The following ZMIZ1 variants were observed in gnomAD, a reference collection of about 807,000 sequenced individuals.
ZMIZ1 encodes zinc finger MIZ-type containing 1, also known as zinc finger MIZ domain-containing protein 1.
In ZMIZ1, 17 loss-of-function variants were observed where a neutral mutation model predicts 113.9. The observed-to-expected ratio is 0.15, with a 90% confidence interval of 0.10 to 0.22. The LOEUF (loss-of-function observed/expected upper bound fraction) is 0.22, where lower values mean the gene tolerates loss of function less well. Ranked by LOEUF, ZMIZ1 falls within the 10% of genes least tolerant of loss-of-function variation. The pLI is 1.00. For missense variants in ZMIZ1, 1,059 were observed against 1,477.8 expected, an observed-to-expected ratio of 0.72 and a Z score of 4.65; for synonymous variants, 607 against 603.1, an observed-to-expected ratio of 1.01 and a Z score of -0.09.
At chr10:79,279,025 G>A (rs1004274892) in intron 8 of ZMIZ1, among the ~76,000 whole-genome samples, 16 of 151,604 alleles carry the variant, frequency 1.1e-4, no homozygotes, top group African/African-American at 2.9e-4. Flanking sequence ...GGGCAGAGGC[G>A]CCACCCACGT....
intron 13 of ZMIZ1, 54 bp from the exon 14 acceptor site, chr10:79,297,559 G>C: frequency 2.7e-6 from 4 of 1,480,998 alleles, no homozygotes; most frequent in Admixed American, 1.7e-5. Flanking sequence ...GGGAGAGCGG[G>C]CTTCTGATGG....
chr10:79,304,373 G>T (rs942180307), intron 19 of ZMIZ1, among the ~76,000 whole-genome samples, 198 bp downstream of exon 19: 2 of 152,232 alleles, frequency 1.3e-5, no homozygotes, highest in Admixed American at 1.3e-4. Flanking sequence ...AGGCCAAAGG[G>T]GCTACAGAAA....
At chr10:79,240,636 A>ATTTTTTTTTTTTT (rs1589466733) in intron 7 of ZMIZ1, among the ~76,000 whole-genome samples, 2 of 78,528 alleles carry the variant, frequency 2.5e-5, no homozygotes, top group African/African-American at 1.3e-4. Context: ...AAGAGTATTT[A>ATTTTTTTTTTTTT]TCTTTTTTTT....
At chr10:79,203,979 G>A (rs891227112) in intron 5 of ZMIZ1, among the ~76,000 whole-genome samples, 4 of 152,074 alleles carry the variant, frequency 2.6e-5, no homozygotes, top group Non-Finnish European at 4.4e-5. Flanking sequence ...GGGCCATCCA[G>A]AGCTCCCTAC....
chr10:79,174,809 C>T (rs568205755), intron 4 of ZMIZ1, among the ~76,000 whole-genome samples: 14 of 152,284 alleles, frequency 9.2e-5, no homozygotes, highest in Non-Finnish European at 1.3e-4. Flanking sequence ...CTGGGGGATC[C>T]GAGGGTCCAA....
chr10:79,247,529 CAGT>C (rs1850281968), intron 7 of ZMIZ1, among the ~76,000 whole-genome samples: 1 of 152,220 alleles, frequency 6.6e-6, no homozygotes, highest in African/African-American at 2.4e-5. Flanking sequence ...TCCTCCCTCT[CAGT>C]AGCCCCAGCC....
intron 7 of ZMIZ1, among the ~76,000 whole-genome samples, chr10:79,229,341 G>C (rs1044064320): frequency 6.6e-6 from 1 of 152,244 alleles, no homozygotes; most frequent in Non-Finnish European, 1.5e-5. Context: ...GAGAGACACA[G>C]AACCCAGAGC....
intron 4 of ZMIZ1, among the ~76,000 whole-genome samples, chr10:79,181,013 T>G (rs1847101754): frequency 6.6e-6 from 1 of 152,180 alleles, no homozygotes; most frequent in Non-Finnish European, 1.5e-5. Flanking sequence ...TGAAGGGAAG[T>G]GACTCATCCA....
chr10:79,196,214 C>T (rs1473884771), intron 4 of ZMIZ1, among the ~76,000 whole-genome samples: 1 of 152,188 alleles, frequency 6.6e-6, no homozygotes, highest in African/African-American at 2.4e-5. Context: ...GCCATTTGTT[C>T]TTTTATTAAG....
At chr10:79,207,363 C>A (rs1452739335) in intron 5 of ZMIZ1, among the ~76,000 whole-genome samples, 15 of 152,224 alleles carry the variant, frequency 9.9e-5, no homozygotes, top group Admixed American at 9.8e-4. Context: ...GGGCCAGAGC[C>A]CCATCCCAGA....
chr10:79,202,211 A>AG (rs1231300905), intron 5 of ZMIZ1, among the ~76,000 whole-genome samples: 107 of 64,252 alleles, frequency 1.7e-3, no homozygotes, highest in African/African-American at 4.3e-3. Flanking sequence ...AAAAAAAAAA[A>AG]AAAGAAAGAA....
Position 79,291,078 on chromosome 10 carries a change from G to A in ZMIZ1, c.660G>A (p.Gln220=). 6.2e-7 allele frequency: 1 copy of A among 1,614,258 alleles called. No homozygotes were observed. Among genetic ancestry groups the A allele is most frequent in the South Asian group, 1.1e-5 (1 of 91,088 alleles). ...GLNSPQFAGQ[Q]QQFSAKAGPA... Reference sequence around the variant, plus strand: ...ACTCCCCACAGTTTGCGGGGCAGCAGCAGCAGTTCTCAGCCAAGGCTGGCC... The same window carrying A: ...ACTCCCCACAGTTTGCGGGGCAGCAACAGCAGTTCTCAGCCAAGGCTGGCC... Residue 220 remains glutamine (Q), a synonymous_variant, in exon 10 of 25, where the codon CAG becomes CAA. Transcript: ENST00000334512.
chr10:79,160,689 A>G (rs4980039), intron 3 of ZMIZ1, among the ~76,000 whole-genome samples: 133,998 of 152,284 alleles, frequency 0.88, 59,312 homozygotes, highest in African/African-American at 0.97. Flanking sequence ...CCTGGGCACC[A>G]TTTCTCCCTG....
chr10:79,181,773 A>G (rs929454251), intron 4 of ZMIZ1, among the ~76,000 whole-genome samples: 1 of 151,390 alleles, frequency 6.6e-6, no homozygotes, highest in African/African-American at 2.4e-5. Flanking sequence ...TCCTTCCTCT[A>G]CCCACAACCC....
intron 9 of ZMIZ1, among the ~76,000 whole-genome samples, chr10:79,290,273 G>T (rs990277978): frequency 3.3e-5 from 5 of 152,158 alleles, no homozygotes; most frequent in African/African-American, 1.2e-4. Flanking sequence ...AAAATATTGT[G>T]CCTTGGACTT....
chr10:79,232,581 T>C (rs1307023184), intron 7 of ZMIZ1, among the ~76,000 whole-genome samples: 1 of 152,074 alleles, frequency 6.6e-6, no homozygotes, highest in Admixed American at 6.6e-5. Flanking sequence ...GATGCAATCT[T>C]CCCAGCATCC....
chr10:79,111,519 C>G (rs1340820393), intron 1 of ZMIZ1, among the ~76,000 whole-genome samples: 1 of 152,148 alleles, frequency 6.6e-6, no homozygotes, highest in African/African-American at 2.4e-5. Flanking sequence ...TGGGGTGAAG[C>G]AGATGGCCAG....
intron 4 of ZMIZ1, among the ~76,000 whole-genome samples, chr10:79,190,548 C>T (rs796463677): frequency 1.3e-5 from 2 of 152,258 alleles, no homozygotes; most frequent in South Asian, 4.1e-4. Flanking sequence ...CCTCTGTTTC[C>T]CCAATTTTTT....
intron 1 of ZMIZ1, among the ~76,000 whole-genome samples, chr10:79,107,548 CACGAAAGAGCGTTCA>C (rs1256503793): frequency 1.3e-5 from 2 of 152,142 alleles, no homozygotes; most frequent in Non-Finnish European, 2.9e-5. Context: ...ATGTGTTCAC[CACGAAAGAGCGTTCA>C]AGTGGATGGG....
Sources: allele counts gnomAD v4.1 joint callset (sites outside exome capture counted in the v4.1 genomes callset), GRCh38; gene constraint gnomAD v4.1.1; transcripts MANE v1.5; gene names NCBI Gene and HGNC (gene_info 2026-07-23, HGNC 2026-07-21).